Variants in LCA5 observed in about 807,000 individuals in gnomAD.
LCA5 encodes the protein lebercilin LCA5, also known as lebercilin.
In LCA5, 37 loss-of-function variants were observed where a neutral mutation model predicts 53.0. That is an observed-to-expected ratio of 0.70 (90% CI 0.54 to 0.92). The LOEUF is 0.92. Ranked by LOEUF, LCA5 falls within the 40% of genes least tolerant of loss-of-function variation. The pLI is 0.00. For missense variants in LCA5, 806 were observed against 790.5 expected (o/e 1.02, Z -0.23); for synonymous variants, 303 against 282.9 (o/e 1.07, Z -0.71).
rs534511946 is a variant in LCA5, at chr6:79,495,781, G to A, written c.721-2031C>T. 8.4e-4 allele frequency among the ~76,000 whole-genome samples: 122 copies of A among 145,884 alleles called. 1 individual carries two copies. Among genetic ancestry groups the A allele is most frequent in the Non-Finnish European group, 1.0e-3 (70 of 66,762 alleles). ...AAAAAAAAAAAAAAGTCGGTCCTCCGCATCCAAAGGTTTCACACACTGCAA... is the reference window on the plus strand; with the variant it reads ...AAAAAAAAAAAAAAGTCGGTCCTCCACATCCAAAGGTTTCACACACTGCAA... On this transcript the variant is annotated intron_variant, in intron 3 of 7. Transcript: ENST00000369846.
chr6:79,487,486 T>A lies in LCA5; in HGVS notation c.1612A>T (p.Asn538Tyr). Residue 538 changes from asparagine (N) to tyrosine (Y), a missense_variant, in exon 8 of 8, where the codon AAT becomes TAT. Transcript: ENST00000369846. The part of the protein sequence containing the change: ...SFSTPKGEGQ[N>Y]SGNVRSPASP... Reference sequence around the variant, plus strand: ...GCTGGACTTCTAACATTTCCTGAATTCTGACCTTCTCCTTTTGGAGTTGAG... The same window carrying A: ...GCTGGACTTCTAACATTTCCTGAATACTGACCTTCTCCTTTTGGAGTTGAG... 2 of 1,614,068 alleles carry A rather than the reference T, an allele frequency of 1.2e-6. No individual in the cohort carries two copies. Among genetic ancestry groups the A allele is most frequent in the African/African-American group, 2.7e-5 (2 of 75,050 alleles).
chr6:79,487,887 TA>T, intron 7 of LCA5, 21 bp from the exon 8 acceptor site: 1 of 1,570,188 alleles, frequency 6.4e-7, no homozygotes, highest in Non-Finnish European at 8.7e-7. Flanking sequence ...TCAAATTTTT[TA>T]AATGGGATTT....
intron 1 of LCA5, chr6:79,525,301 A>G (rs1453766588): frequency 6.6e-6 from 1 of 152,208 alleles, no homozygotes; most frequent in African/African-American, 2.4e-5. Context: ...AGGAAAGGAA[A>G]TGAGACCACT....
rs530411864 is a variant in LCA5, at chr6:79,517,412, A to G, written c.190+1293T>C. 4.6e-5 allele frequency among the ~76,000 whole-genome samples: 7 copies of G among 152,218 alleles called. No homozygotes were observed. The South Asian group carries it at 1.5e-3, about 32-fold the overall frequency. ...AAGTATTCCTTACCAATACTACCCT[A>G]GGTATTTCTTGAGACTAACAGGCAT... On this transcript the variant is annotated intron_variant, in intron 2 of 7. Transcript: ENST00000369846.
At chr6:79,511,316 T>C (rs938092823) in intron 3 of LCA5, among the ~76,000 whole-genome samples, 4 of 152,204 alleles carry the variant, frequency 2.6e-5, no homozygotes, top group African/African-American at 7.2e-5. Context: ...AAAGGAACTA[T>C]TGATATATGC....
chr6:79,526,723 G>C (rs900485441), intron 1 of LCA5, among the ~76,000 whole-genome samples: 2 of 152,082 alleles, frequency 1.3e-5, no homozygotes, highest in Non-Finnish European at 2.9e-5. Context: ...AAGATAAAAA[G>C]AGTAAATCAA....
At chr6:79,527,541 A>G (rs547472782) in intron 1 of LCA5, among the ~76,000 whole-genome samples, 1 of 152,322 alleles carries the variant, frequency 6.6e-6, no homozygotes, top group South Asian at 2.1e-4. Context: ...GCCCTGAACC[A>G]GATACAGATT....
At chr6:79,502,565 G>A (rs1212096710) in intron 3 of LCA5, among the ~76,000 whole-genome samples, 1 of 152,062 alleles carries the variant, frequency 6.6e-6, no homozygotes, top group East Asian at 1.9e-4. Context: ...CTCAGCAAAT[G>A]ACATATAGAG....
intron 3 of LCA5, among the ~76,000 whole-genome samples, chr6:79,505,980 G>T (rs550447710): frequency 6.6e-6 from 1 of 152,214 alleles, no homozygotes; most frequent in Non-Finnish European, 1.5e-5. Context: ...TCTTACTTTT[G>T]AAAGTGGTTT....
intron 1 of LCA5, among the ~76,000 whole-genome samples, chr6:79,536,143 G>A (rs1410452448): frequency 6.6e-6 from 1 of 152,118 alleles, no homozygotes; most frequent in Admixed American, 6.5e-5. Context: ...AAACATACTA[G>A]CTAACATGGG....
chr6:79,501,419 T>C (rs1352555160), intron 3 of LCA5, among the ~76,000 whole-genome samples: 1 of 152,212 alleles, frequency 6.6e-6, no homozygotes, highest in East Asian at 1.9e-4. Flanking sequence ...CTGATAAATA[T>C]GCTGAAAGGA....
chr6:79,500,926 T>C (rs545255017), intron 3 of LCA5, among the ~76,000 whole-genome samples: 2 of 152,230 alleles, frequency 1.3e-5, no homozygotes, highest in African/African-American at 4.8e-5. Flanking sequence ...CATATGTCAG[T>C]TTGTTACCTA....
At chr6:79,504,765 C>T (rs868284595) in intron 3 of LCA5, among the ~76,000 whole-genome samples, 155 of 152,038 alleles carry the variant, frequency 1.0e-3, no homozygotes, top group African/African-American at 3.0e-3. Context: ...TGGAATAATA[C>T]GCAGACTTTA....
chr6:79,534,963 G>T (rs1176155890), intron 1 of LCA5, among the ~76,000 whole-genome samples: 1 of 152,164 alleles, frequency 6.6e-6, no homozygotes, highest in Non-Finnish European at 1.5e-5. Context: ...TAAAATACAT[G>T]TGGAATTTTG....
chr6:79,519,119 T>C, intron 1 of LCA5, 34 bp from the exon 2 acceptor site: 2 of 571,786 alleles, frequency 3.5e-6, no homozygotes, highest in Non-Finnish European at 6.2e-6. Flanking sequence ...AGACTTATCA[T>C]ACAGTCTCTA....
chr6:79,520,126 G>A (rs1027006181), intron 1 of LCA5, among the ~76,000 whole-genome samples: 1 of 151,844 alleles, frequency 6.6e-6, no homozygotes, highest in Non-Finnish European at 1.5e-5. Context: ...CTAAAATTAG[G>A]AGAAAAGTTA....
intron 3 of LCA5, among the ~76,000 whole-genome samples, chr6:79,499,114 T>C (rs1461835925): frequency 2.6e-5 from 4 of 152,018 alleles, no homozygotes; most frequent in Non-Finnish European, 5.9e-5. Context: ...ACAAAAACCC[T>C]AGCAAGCCAG....
intron 1 of LCA5, among the ~76,000 whole-genome samples, chr6:79,520,852 T>G (rs896135358): frequency 1.3e-5 from 2 of 152,208 alleles, no homozygotes; most frequent in African/African-American, 4.8e-5. Flanking sequence ...GCCTGCAGTA[T>G]GCTACCATTT....
chr6:79,534,754 G>C (rs569147687), intron 1 of LCA5, among the ~76,000 whole-genome samples: 1 of 152,120 alleles, frequency 6.6e-6, no homozygotes, highest in South Asian at 2.1e-4. Flanking sequence ...AAAAGTGGGG[G>C]GGTAAATGAG....
Sources: gnomAD v4.1 joint callset for allele counts (sites outside exome capture counted in the v4.1 genomes callset) on GRCh38, gnomAD v4.1.1 for gene constraint, MANE v1.5 for transcripts, NCBI Gene and HGNC (gene_info 2026-07-23, HGNC 2026-07-21) for gene names.